JPH3: variants seen among roughly 807,000 people sequenced by gnomAD.
The protein encoded by JPH3 is junctophilin-3.
In JPH3, 11 loss-of-function variants were observed where a neutral mutation model predicts 59.6. The ratio of observed to expected loss-of-function variants is 0.18; its 90% CI spans 0.12 to 0.31. The LOEUF is 0.31. JPH3 is among the 10% of genes least tolerant of loss of function. The probability of loss-of-function intolerance (pLI) is 1.00; values close to 1 mark genes in which losing one functional copy is unlikely to be tolerated. For synonymous variants in JPH3, 673 were observed against 483.6 expected (o/e 1.39, Z -5.14); for missense variants, 1,202 against 1,105.7 (o/e 1.09, Z -1.24).
At chr16:87,683,829 C>A (rs959678538) in intron 2 of JPH3, 1 of 293,596 alleles carries the variant, frequency 3.4e-6, no homozygotes, top group East Asian at 8.2e-5. Context: ...TGGTCGTGAA[C>A]GCCTGAGCTC....
chr16:87,679,694 G>C (rs890143069), intron 2 of JPH3, among the ~76,000 whole-genome samples: 1 of 152,234 alleles, frequency 6.6e-6, no homozygotes, highest in Admixed American at 6.5e-5. Flanking sequence ...GGTCTGGGCT[G>C]GGTGTTGACC....
intron 1 of JPH3, chr16:87,605,063 G>T (rs568750553): frequency 7.3e-6 from 3 of 410,498 alleles, no homozygotes; most frequent in South Asian, 3.5e-5. Context: ...GCAGCCTGGC[G>T]CTTCCAGCTG....
intron 1 of JPH3, among the ~76,000 whole-genome samples, chr16:87,634,995 C>CTCCG (rs2031687669): frequency 6.6e-6 from 1 of 152,170 alleles, no homozygotes; most frequent in African/African-American, 2.4e-5. Flanking sequence ...GAAAGGTGAC[C>CTCCG]TCCGCCTGCA....
At chr16:87,614,253 C>T (rs893536249) in intron 1 of JPH3, among the ~76,000 whole-genome samples, 1 of 145,148 alleles carries the variant, frequency 6.9e-6, no homozygotes, top group Non-Finnish European at 1.5e-5. Flanking sequence ...CTACACGTCC[C>T]CTCCCAGGAT....
chr16:87,637,665 A>C (rs1044637606), intron 1 of JPH3, among the ~76,000 whole-genome samples: 1 of 151,896 alleles, frequency 6.6e-6, no homozygotes, highest in African/African-American at 2.4e-5. Context: ...CTCGGGGACA[A>C]CCCTGGGATA....
chr16:87,672,449 G>A (rs2033042101), intron 2 of JPH3, among the ~76,000 whole-genome samples: 1 of 152,220 alleles, frequency 6.6e-6, no homozygotes, highest in Non-Finnish European at 1.5e-5. Context: ...TCACTGTGAG[G>A]GTGGGCATGA....
chr16:87,667,016 C>T (rs975800809), intron 2 of JPH3, among the ~76,000 whole-genome samples: 2 of 152,198 alleles, frequency 1.3e-5, no homozygotes, highest in African/African-American at 4.8e-5. Context: ...AAACGCAGTC[C>T]CCCAGCTCCG....
intron 2 of JPH3, among the ~76,000 whole-genome samples, chr16:87,664,292 C>A (rs1261882160): frequency 6.5e-5 from 8 of 122,710 alleles, no homozygotes; most frequent in Non-Finnish European, 1.3e-4. Flanking sequence ...GATTGCGCCA[C>A]TGCACCTCCA....
At chr16:87,652,319 C>G (rs1035817838) in intron 2 of JPH3, among the ~76,000 whole-genome samples, 6 of 152,220 alleles carry the variant, frequency 3.9e-5, no homozygotes, top group African/African-American at 9.6e-5. Context: ...CCACGCTGAT[C>G]ACCCACAGCC....
intron 1 of JPH3, among the ~76,000 whole-genome samples, chr16:87,633,962 T>C (rs945299523): frequency 1.3e-5 from 2 of 152,164 alleles, no homozygotes; most frequent in Non-Finnish European, 2.9e-5. Context: ...TTTAATGTCA[T>C]ATGAAGATTA....
At chr16:87,626,055 G>A (rs17772159) in intron 1 of JPH3, among the ~76,000 whole-genome samples, 23,085 of 152,120 alleles carry the variant, frequency 0.15, 2,187 homozygotes, top group Non-Finnish European at 0.21. Flanking sequence ...TGGAGTATGC[G>A]TAAGTTACTG....
chr16:87,634,367 C>T (rs1415326903), intron 1 of JPH3, among the ~76,000 whole-genome samples: 1 of 152,062 alleles, frequency 6.6e-6, no homozygotes, highest in Non-Finnish European at 1.5e-5. Flanking sequence ...GGGTGCTGGT[C>T]GATATGGGCC....
chr16:87,673,050 G>A (rs1334904704), intron 2 of JPH3, among the ~76,000 whole-genome samples: 1 of 152,098 alleles, frequency 6.6e-6, no homozygotes, highest in Non-Finnish European at 1.5e-5. Context: ...GGAGGTTGAG[G>A]CAGGAGAATC....
At chr16:87,630,599 T>G (rs2031535429) in intron 1 of JPH3, among the ~76,000 whole-genome samples, 1 of 152,182 alleles carries the variant, frequency 6.6e-6, no homozygotes, top group South Asian at 2.1e-4. Context: ...CATAAACGCA[T>G]CTTTCCTTCC....
intron 3 of JPH3, among the ~76,000 whole-genome samples, chr16:87,688,347 C>T (rs1354030891): frequency 6.6e-6 from 1 of 152,250 alleles, no homozygotes; most frequent in Non-Finnish European, 1.5e-5. Flanking sequence ...CACAGCAGCC[C>T]AGCCTGGTGG....
intron 1 of JPH3, among the ~76,000 whole-genome samples, chr16:87,616,231 TG>T (rs1567583323): frequency 0.01 from 1,495 of 144,072 alleles, 22 homozygotes; most frequent in African/African-American, 0.025. Flanking sequence ...TGTGTGTGTG[TG>T]TGTGTATTTT....
At chr16:87,684,377 G>A in intron 3 of JPH3, 111 bp downstream of exon 3, 3 of 1,467,544 alleles carry the variant, frequency 2.0e-6, no homozygotes, top group Non-Finnish European at 2.7e-6. Flanking sequence ...GATGGGCTCA[G>A]CCCCAGCTGC....
At chr16:87,603,992 C>A in intron 1 of JPH3, 1 of 803,404 alleles carries the variant, frequency 1.2e-6, no homozygotes, top group Non-Finnish European at 1.5e-6. Flanking sequence ...CTTCCTCAGC[C>A]CCGAATCTGC....
At chr16:87,604,541 C>T (rs2030435852) in intron 1 of JPH3, 12 of 1,260,464 alleles carry the variant, frequency 9.5e-6, no homozygotes, top group Admixed American at 3.3e-5. Flanking sequence ...CCTCGGGCGG[C>T]TCGCCTGTTT....
Sources: gnomAD v4.1 joint callset for allele counts (sites outside exome capture counted in the v4.1 genomes callset) on GRCh38, gnomAD v4.1.1 for gene constraint, MANE v1.5 for transcripts, NCBI Gene and HGNC (gene_info 2026-07-23, HGNC 2026-07-21) for gene names.